CACNG3: variants seen among roughly 807,000 people sequenced by gnomAD.
CACNG3 encodes voltage-dependent calcium channel gamma-3 subunit.
CACNG3 carries 3 observed loss-of-function variants against 28.5 expected under a neutral mutation model. That is an observed-to-expected ratio of 0.11 (90% CI 0.05 to 0.27). The LOEUF (loss-of-function observed/expected upper bound fraction) is 0.27. Among genes scored for constraint, CACNG3 ranks in the 10% least tolerant of loss-of-function variants. The pLI is 1.00. For missense variants in CACNG3, 236 were observed against 414.4 expected, an observed-to-expected ratio of 0.57 and a Z score of 3.74; for synonymous variants, 174 against 162.2, an observed-to-expected ratio of 1.07 and a Z score of -0.55.
At chr16:24,351,827 CTCTCT>C (rs1246517904) in intron 2 of CACNG3, among the ~76,000 whole-genome samples, 218 of 127,202 alleles carry the variant, frequency 1.7e-3, no homozygotes, top group African/African-American at 6.6e-3. Context: ...TTCTCTCTCT[CTCTCT>C]TTTTTTTTTT....
chr16:24,336,928 C>T (rs917478175), intron 1 of CACNG3, among the ~76,000 whole-genome samples: 1 of 152,140 alleles, frequency 6.6e-6, no homozygotes, highest in Non-Finnish European at 1.5e-5. Context: ...GATCCTCCCA[C>T]CTTGGCTTTC....
chr16:24,348,412 G>C (rs1356073250), intron 2 of CACNG3, among the ~76,000 whole-genome samples: 3 of 151,868 alleles, frequency 2.0e-5, no homozygotes, highest in African/African-American at 7.3e-5. Context: ...ATTGATTAGT[G>C]ACTGGCTACA....
chr16:24,334,556 G>T (rs562537921), intron 1 of CACNG3, among the ~76,000 whole-genome samples: 1 of 152,222 alleles, frequency 6.6e-6, no homozygotes. Context: ...TCCACTGGAG[G>T]GGGGACATCC....
chr16:24,267,758 C>G (rs1411228671), intron 1 of CACNG3, among the ~76,000 whole-genome samples: 1 of 152,218 alleles, frequency 6.6e-6, no homozygotes, highest in Non-Finnish European at 1.5e-5. Flanking sequence ...CAACCTCCGC[C>G]TCCCGAGATC....
chr16:24,273,510 C>T (rs1359835680), intron 1 of CACNG3, among the ~76,000 whole-genome samples: 6 of 152,194 alleles, frequency 3.9e-5, no homozygotes, highest in African/African-American at 1.4e-4. Context: ...ACTTTTTCAT[C>T]ATCAAGATTC....
chr16:24,325,247 C>G (rs555055163), intron 1 of CACNG3, among the ~76,000 whole-genome samples: 2 of 152,274 alleles, frequency 1.3e-5, no homozygotes, highest in East Asian at 3.9e-4. Flanking sequence ...TTCTGGGGGA[C>G]AGCAGAGGTG....
Position 24,361,396 on chromosome 16 carries a change from G to A in CACNG3, c.481G>A (p.Ala161Thr), listed in dbSNP as rs140935639. ...IGIIVYISAN[A>T]GDPGQRDSKK... Reference sequence around the variant, plus strand: ...CATCATAGTTTATATATCAGCCAACGCCGGAGACCCCGGGCAGCGTGACTC... The same window carrying A: ...CATCATAGTTTATATATCAGCCAACACCGGAGACCCCGGGCAGCGTGACTC... Residue 161 changes from alanine to threonine, a missense_variant, in exon 4 of 4, where the codon GCC becomes ACC. Physicochemically the swap from Ala to Thr is moderately conservative, Grantham distance 58 (BLOSUM62 0). Coordinates refer to ENST00000005284, the MANE Select transcript of CACNG3 (RefSeq NM_006539.4). The surrounding 1 kb of genome is among the most constrained non-coding windows in gnomAD (Gnocchi z 6.8). 18 of 1,612,320 alleles carry A rather than the reference G, an allele frequency of 1.1e-5. No individual in the cohort carries two copies. Among genetic ancestry groups the A allele is most frequent in the Non-Finnish European group, 1.5e-5 (18 of 1,179,378 alleles).
At chr16:24,333,386 T>C (rs1899658309) in intron 1 of CACNG3, 1 of 152,232 alleles carries the variant, frequency 6.6e-6, no homozygotes, top group Non-Finnish European at 1.5e-5. Flanking sequence ...TTTTTTTTCT[T>C]TTATTTTATT....
chr16:24,327,446 A>G (rs62030061), intron 1 of CACNG3, among the ~76,000 whole-genome samples: 33,180 of 68,490 alleles, frequency 0.48, 5,152 homozygotes, highest in South Asian at 0.57. Flanking sequence ...GTGTATATAT[A>G]TATATATATA....
intron 1 of CACNG3, among the ~76,000 whole-genome samples, chr16:24,317,442 T>C (rs1183826317): frequency 6.6e-6 from 1 of 151,068 alleles, no homozygotes; most frequent in African/African-American, 2.4e-5. Context: ...CTCAGGAGGC[T>C]GAGGCACGAG....
intron 1 of CACNG3, among the ~76,000 whole-genome samples, chr16:24,340,774 G>T (rs1899775575): frequency 6.6e-6 from 1 of 152,062 alleles, no homozygotes; most frequent in Non-Finnish European, 1.5e-5. Flanking sequence ...CCTCTTCCCG[G>T]GGTCCTGGGG....
chr16:24,288,160 G>T (rs1269830848), intron 1 of CACNG3, among the ~76,000 whole-genome samples: 1 of 152,156 alleles, frequency 6.6e-6, no homozygotes, highest in East Asian at 1.9e-4. Flanking sequence ...GGATAACTTT[G>T]CTAGGATTGC....
At chr16:24,329,963 G>A (rs1899609874) in intron 1 of CACNG3, among the ~76,000 whole-genome samples, 1 of 152,198 alleles carries the variant, frequency 6.6e-6, no homozygotes, top group Non-Finnish European at 1.5e-5. Flanking sequence ...TTGAACCACA[G>A]AGGATGGAGG....
At chr16:24,286,304 G>A (rs922666145) in intron 1 of CACNG3, among the ~76,000 whole-genome samples, 1 of 151,908 alleles carries the variant, frequency 6.6e-6, no homozygotes, top group Non-Finnish European at 1.5e-5. Context: ...GGATCAATAA[G>A]GGTATGGGGT....
At chr16:24,271,402 G>T (rs934721654) in intron 1 of CACNG3, among the ~76,000 whole-genome samples, 1 of 152,004 alleles carries the variant, frequency 6.6e-6, no homozygotes, top group African/African-American at 2.4e-5. Context: ...TTTAAATGAC[G>T]TTGATGTAGA....
intron 2 of CACNG3, among the ~76,000 whole-genome samples, chr16:24,353,164 C>T (rs1267532571): frequency 2.0e-5 from 3 of 151,878 alleles, no homozygotes; most frequent in Non-Finnish European, 4.4e-5. Flanking sequence ...TTAGTAGAGA[C>T]AGGTTTCACC....
chr16:24,307,365 A>G (rs1596636345), intron 1 of CACNG3, among the ~76,000 whole-genome samples: 1 of 151,746 alleles, frequency 6.6e-6, no homozygotes, highest in African/African-American at 2.4e-5. Flanking sequence ...CAAGTGATCC[A>G]CCCACCTCAG....
intron 1 of CACNG3, among the ~76,000 whole-genome samples, chr16:24,282,329 T>C (rs1898840216): frequency 6.6e-6 from 1 of 152,032 alleles, no homozygotes; most frequent in Non-Finnish European, 1.5e-5. Flanking sequence ...CCACACAGAC[T>C]GAAGAGTCAC....
At chr16:24,312,907 G>A (rs532822083) in intron 1 of CACNG3, among the ~76,000 whole-genome samples, 4 of 67,858 alleles carry the variant, frequency 5.9e-5, no homozygotes, top group African/African-American at 2.4e-4. Context: ...AAAGAAAGAA[G>A]GAAGGAAGGA....
Sources: allele counts gnomAD v4.1 joint callset (sites outside exome capture counted in the v4.1 genomes callset), GRCh38; gene constraint gnomAD v4.1.1; non-coding constraint Gnocchi (gnomAD v3.1); transcripts MANE v1.5; gene names NCBI Gene and HGNC (gene_info 2026-07-23, HGNC 2026-07-21).